The following LIMD1 variants were observed in gnomAD, a reference collection of about 807,000 sequenced individuals.
The protein encoded by LIMD1 is LIM domain containing 1, also known as LIM domain-containing protein 1.
Under a neutral mutation model 58.4 loss-of-function variants are expected in LIMD1, and 23 were observed. The ratio of observed to expected loss-of-function variants is 0.39; its 90% CI spans 0.28 to 0.56. The LOEUF is 0.56. Among genes scored for constraint, LIMD1 ranks in the 20% least tolerant of loss-of-function variants. LIMD1 has a pLI of 0.57. For synonymous variants in LIMD1, 334 were observed against 345.5 expected, an observed-to-expected ratio of 0.97 and a Z score of 0.37; for missense variants, 838 against 855.5, an observed-to-expected ratio of 0.98 and a Z score of 0.25.
chr3:45,608,706 G>A (rs1334339077), intron 1 of LIMD1, among the ~76,000 whole-genome samples: 3 of 152,160 alleles, frequency 2.0e-5, no homozygotes, highest in Admixed American at 1.3e-4. Context: ...TGGGTGTGGT[G>A]GCGCATGCCT....
chr3:45,633,371 G>T (rs1297988902), intron 1 of LIMD1, among the ~76,000 whole-genome samples: 1 of 152,224 alleles, frequency 6.6e-6, no homozygotes, highest in South Asian at 2.1e-4. Context: ...TTGAATGGTA[G>T]ACTTACACTT....
In LIMD1 at chr3:45,595,372, C is replaced by T. The variant is rs1701334541; in HGVS notation, c.493C>T (p.Pro165Ser). 1 of 1,613,682 alleles carries T rather than the reference C, an allele frequency of 6.2e-7. No individual in the cohort carries two copies. The highest frequency in any genetic ancestry group is 1.1e-5 in the South Asian group (1 of 91,088). ...TTCTGAGATGTCTGCTTTCCACCAG[C>T]CAGGCCCCTGTGAGGATCCTTCCTG... The part of the protein sequence containing the change: ...ATSEMSAFHQ[P>S]GPCEDPSCLT... Residue 165 changes from proline (P) to serine (S), a missense_variant, in exon 1 of 8, where the codon CCA (proline) becomes TCA (serine). Around this residue, in one of 3 missense-constraint regions of LIMD1, gnomAD observed 659 missense variants for 639.8 expected, o/e 1.03. Transcript: ENST00000273317.
intron 2 of LIMD1, among the ~76,000 whole-genome samples, chr3:45,660,751 TG>T (rs1292353146): frequency 6.6e-6 from 1 of 152,102 alleles, no homozygotes; most frequent in Non-Finnish European, 1.5e-5. Context: ...ACCTTGTTCC[TG>T]GGGAGGGACA....
At chr3:45,624,738 C>CA (rs201989361) in intron 1 of LIMD1, among the ~76,000 whole-genome samples, 137 of 150,994 alleles carry the variant, frequency 9.1e-4, no homozygotes, top group Non-Finnish European at 1.9e-4. Context: ...CAAAACAAAA[C>CA]AAAAAAAAAC....
intron 3 of LIMD1, 46 bp downstream of exon 3, chr3:45,665,763 C>A (rs751746132): frequency 1.3e-6 from 2 of 1,563,204 alleles, no homozygotes; most frequent in African/African-American, 1.4e-5. Flanking sequence ...TGGCCAGAGT[C>A]AGAGGGCAGG....
At chr3:45,628,317 A>T (rs1160213627) in intron 1 of LIMD1, among the ~76,000 whole-genome samples, 1 of 152,204 alleles carries the variant, frequency 6.6e-6, no homozygotes, top group Non-Finnish European at 1.5e-5. Context: ...AGAAGTTCTC[A>T]TAACAGTAAG....
At chr3:45,603,126 C>G (rs1701432847) in intron 1 of LIMD1, among the ~76,000 whole-genome samples, 1 of 152,210 alleles carries the variant, frequency 6.6e-6, no homozygotes, top group Non-Finnish European at 1.5e-5. Context: ...CAGGCGTGAG[C>G]CACTGCACCT....
chr3:45,601,903 C>T (rs1233540307), intron 1 of LIMD1, among the ~76,000 whole-genome samples: 1 of 151,534 alleles, frequency 6.6e-6, no homozygotes, highest in Non-Finnish European at 1.5e-5. Flanking sequence ...GGGCTCCTTG[C>T]GTTTTCCATG....
At chr3:45,644,899 A>G (rs946008988) in intron 2 of LIMD1, among the ~76,000 whole-genome samples, 8 of 152,210 alleles carry the variant, frequency 5.3e-5, no homozygotes, top group Non-Finnish European at 1.0e-4. Flanking sequence ...TAGGGGAGGT[A>G]GAATTCAATC....
rs760379780 is a variant in LIMD1 at position 45,673,515 on chromosome 3, C to T, written c.1824+10C>T. ...CATCCTTCCACCTGAGGTAAGATGC[C>T]CTTCCAGACATGCTCCCAGGGGCTT... On this transcript the variant is annotated intron_variant, in intron 6 of 7. Transcript: ENST00000273317. 6.2e-6 allele frequency: 10 copies of T among 1,609,922 alleles called. No homozygotes were observed. Among genetic ancestry groups the T allele is most frequent in the Non-Finnish European group, 8.5e-6 (10 of 1,176,314 alleles).
chr3:45,627,815 C>CTGGCCAACA (rs1186203382), intron 1 of LIMD1, among the ~76,000 whole-genome samples: 3 of 151,726 alleles, frequency 2.0e-5, no homozygotes, highest in Non-Finnish European at 2.9e-5. Context: ...CGATACCAGC[C>CTGGCCAACA]TGGCCAACAT....
chr3:45,667,739 G>A (rs929945616), intron 3 of LIMD1, among the ~76,000 whole-genome samples: 6 of 151,992 alleles, frequency 3.9e-5, no homozygotes, highest in African/African-American at 1.4e-4. Context: ...TTTGTTGGCT[G>A]TGTGACCTTG....
chr3:45,632,317 A>G (rs1338406490), intron 1 of LIMD1, among the ~76,000 whole-genome samples: 1 of 152,120 alleles, frequency 6.6e-6, no homozygotes, highest in Non-Finnish European at 1.5e-5. Flanking sequence ...CCATGGCCTG[A>G]TATTTGGCAT....
chr3:45,671,191 AGAGG>A (rs894356253), intron 4 of LIMD1, among the ~76,000 whole-genome samples: 2 of 152,244 alleles, frequency 1.3e-5, no homozygotes, highest in African/African-American at 4.8e-5. Context: ...GGGAAACCCA[AGAGG>A]GAATGAGGAA....
At chr3:45,668,616 G>T (rs1366459321) in intron 4 of LIMD1, among the ~76,000 whole-genome samples, 1 of 152,066 alleles carries the variant, frequency 6.6e-6, no homozygotes, top group African/African-American at 2.4e-5. Flanking sequence ...TTCCGGGCGT[G>T]GTGGTGCATG....
intron 1 of LIMD1, among the ~76,000 whole-genome samples, chr3:45,611,353 G>C (rs190098610): frequency 2.0e-5 from 3 of 152,216 alleles, no homozygotes; most frequent in Non-Finnish European, 2.9e-5. Flanking sequence ...AAGCAGGGGG[G>C]CTCTGGGGTC....
chr3:45,625,648 C>T (rs1439744247), intron 1 of LIMD1, among the ~76,000 whole-genome samples: 1 of 152,034 alleles, frequency 6.6e-6, no homozygotes, highest in Non-Finnish European at 1.5e-5. Context: ...AGACTCTGCC[C>T]TTGTGAATGG....
intron 1 of LIMD1, among the ~76,000 whole-genome samples, chr3:45,634,660 G>A (rs1038164638): frequency 6.6e-6 from 1 of 152,168 alleles, no homozygotes; most frequent in Non-Finnish European, 1.5e-5. Context: ...GCCCAACATC[G>A]GAGTTTAATT....
At chr3:45,665,532 A>C (rs1275760297) in intron 2 of LIMD1, 118 bp from the exon 3 acceptor site, 2 of 738,598 alleles carry the variant, frequency 2.7e-6, no homozygotes, top group Non-Finnish European at 4.6e-6. Context: ...TGTCATTGAC[A>C]GTTGGCGGTT....
Sources: allele counts gnomAD v4.1 joint callset (sites outside exome capture counted in the v4.1 genomes callset), GRCh38; gene constraint gnomAD v4.1.1; regional missense constraint gnomAD v4.1.1; transcripts MANE v1.5; gene names NCBI Gene and HGNC (gene_info 2026-07-23, HGNC 2026-07-21).